Variants in NBEA observed in about 807,000 individuals in gnomAD.
NBEA encodes the protein lysosomal-trafficking regulator 2.
Under a neutral mutation model 343.4 loss-of-function variants are expected in NBEA, and 44 were observed. That is an observed-to-expected ratio of 0.13 (90% confidence interval 0.10 to 0.16). NBEA has a LOEUF of 0.16. Among genes scored for constraint, NBEA ranks in the 10% least tolerant of loss-of-function variants. The probability of loss-of-function intolerance (pLI) is 1.00; values close to 1 mark genes in which losing one functional copy is unlikely to be tolerated. For missense variants in NBEA, 2,555 were observed against 3,631.3 expected (o/e 0.70, Z 7.62); for synonymous variants, 1,175 against 1,238.7 (o/e 0.95, Z 1.08).
intron 1 of NBEA, among the ~76,000 whole-genome samples, chr13:34,976,180 C>T (rs757309921): frequency 2.0e-5 from 3 of 152,126 alleles, no homozygotes; most frequent in Non-Finnish European, 2.9e-5. Flanking sequence ...TCCCAAGTGC[C>T]CATCAACCAA....
intron 1 of NBEA, among the ~76,000 whole-genome samples, chr13:34,965,668 A>G (rs1025425468): frequency 6.6e-6 from 1 of 151,972 alleles, no homozygotes; most frequent in African/African-American, 2.4e-5. Flanking sequence ...ACTCACATCT[A>G]TCTCTCAACC....
At chr13:35,192,757 A>G (rs951752) in intron 30 of NBEA, among the ~76,000 whole-genome samples, 7,997 of 152,038 alleles carry the variant, frequency 0.053, 226 homozygotes, top group South Asian at 0.07. Context: ...GTTGGTGGCA[A>G]AAGTCTTTTG....
At chr13:35,136,752 A>G (rs1028903437) in intron 17 of NBEA, among the ~76,000 whole-genome samples, 1 of 152,212 alleles carries the variant, frequency 6.6e-6, no homozygotes, top group Non-Finnish European at 1.5e-5. Context: ...ATCCTGCCAG[A>G]TTGTTAAGTA....
intron 34 of NBEA, among the ~76,000 whole-genome samples, chr13:35,250,853 T>C (rs1042874133): frequency 2.0e-5 from 3 of 152,214 alleles, no homozygotes; most frequent in African/African-American, 7.2e-5. Flanking sequence ...CCATAAAAGC[T>C]TAACACATGG....
intron 48 of NBEA, among the ~76,000 whole-genome samples, chr13:35,617,484 A>G (rs1301793513): frequency 6.6e-6 from 1 of 152,176 alleles, no homozygotes; most frequent in African/African-American, 2.4e-5. Flanking sequence ...AGGGAAAGCT[A>G]CCTTGTGTGT....
intron 1 of NBEA, among the ~76,000 whole-genome samples, chr13:35,023,862 AG>A (rs1471469921): frequency 6.6e-6 from 1 of 152,044 alleles, no homozygotes; most frequent in Non-Finnish European, 1.5e-5. Context: ...GTGCATGCGC[AG>A]GTTTGTTACG....
Position 35,208,057 on chromosome 13 carries a change from T to C in NBEA, c.5367-643T>C, listed in dbSNP as rs193193564. 2.8e-4 allele frequency among the ~76,000 whole-genome samples: 42 copies of C among 152,088 alleles called. 1 individual carries two copies. In the Middle Eastern group the frequency reaches 0.01, roughly 37 times the overall value. On this transcript the variant is annotated intron_variant, in intron 31 of 58. Coordinates refer to ENST00000379939, the MANE Select transcript of NBEA (RefSeq NM_001385012.1). ...CAACATAGTGAAACCCCGTCTCTAC[T>C]AAAAATACAAAAATTACCTGAGTGT...
chr13:35,328,453 G>A (rs2038719167), intron 36 of NBEA, among the ~76,000 whole-genome samples: 1 of 151,838 alleles, frequency 6.6e-6, no homozygotes, highest in South Asian at 2.1e-4. Flanking sequence ...ACAACAGGGT[G>A]ACTATGGCCA....
intron 40 of NBEA, among the ~76,000 whole-genome samples, chr13:35,461,107 T>A (rs1016360135): frequency 1.3e-5 from 2 of 152,196 alleles, no homozygotes; most frequent in Non-Finnish European, 2.9e-5. Context: ...AGTCACCTCT[T>A]AAAGGCACCA....
rs137984719 is a variant in NBEA at position 35,252,081 on chromosome 13, A to G, written c.5776+19462A>G. On this transcript the variant is annotated intron_variant, in intron 34 of 58. Coordinates refer to ENST00000379939, the MANE Select transcript of NBEA (RefSeq NM_001385012.1). Reference sequence around the variant, plus strand: ...TTAGTCCATTTTCATACTGCTATAAAGAACTGCCCAAGACTGGGTAGTTCA... The same window carrying G: ...TTAGTCCATTTTCATACTGCTATAAGGAACTGCCCAAGACTGGGTAGTTCA... 3.0e-3 allele frequency among the ~76,000 whole-genome samples: 462 copies of G among 152,352 alleles called. 3 individuals are homozygous for G. The highest frequency in any genetic ancestry group is 6.7e-3 in the Admixed American group (102 of 15,306).
chr13:34,957,024 C>T (rs576895018), intron 1 of NBEA, among the ~76,000 whole-genome samples: 94 of 134,918 alleles, frequency 7.0e-4, no homozygotes, highest in African/African-American at 2.4e-3. Flanking sequence ...TATATATATA[C>T]ACACACACAC....
chr13:35,378,352 C>G (rs1473857598), intron 38 of NBEA, among the ~76,000 whole-genome samples: 3 of 152,132 alleles, frequency 2.0e-5, no homozygotes, highest in African/African-American at 7.2e-5. Context: ...GGAATGAACA[C>G]CTGTGGTCAA....
intron 38 of NBEA, among the ~76,000 whole-genome samples, chr13:35,378,722 A>G (rs1414459707): frequency 1.3e-5 from 2 of 151,848 alleles, no homozygotes; most frequent in Admixed American, 6.6e-5. Flanking sequence ...TGAATTTTCA[A>G]AAACTGAAGG....
intron 1 of NBEA, among the ~76,000 whole-genome samples, chr13:35,031,059 TA>T (rs1174943830): frequency 6.6e-6 from 1 of 151,668 alleles, no homozygotes; most frequent in African/African-American, 2.4e-5. Context: ...GAGATTCATC[TA>T]AAAAAATTCT....
intron 38 of NBEA, among the ~76,000 whole-genome samples, chr13:35,429,095 G>T (rs1240874814): frequency 1.3e-5 from 2 of 152,204 alleles, no homozygotes; most frequent in Non-Finnish European, 2.9e-5. Flanking sequence ...CACTTCCCCA[G>T]TGGGGAGGGG....
intron 13 of NBEA, among the ~76,000 whole-genome samples, chr13:35,113,667 G>A (rs1371590938): frequency 6.6e-6 from 1 of 151,856 alleles, no homozygotes; most frequent in Non-Finnish European, 1.5e-5. Context: ...ATGGACTCAT[G>A]TATTCAATGT....
chr13:35,329,144 A>G (rs1487825516), intron 36 of NBEA, among the ~76,000 whole-genome samples: 1 of 151,952 alleles, frequency 6.6e-6, no homozygotes, highest in Non-Finnish European at 1.5e-5. Context: ...CCACAATTAG[A>G]TAACATTACA....
intron 41 of NBEA, among the ~76,000 whole-genome samples, chr13:35,541,173 G>C (rs2153005425): frequency 6.6e-6 from 1 of 150,808 alleles, no homozygotes; most frequent in South Asian, 2.1e-4. Context: ...CACACAGTCT[G>C]TGTCCGTTGC....
At chr13:35,379,028 T>G (rs2041881128) in intron 38 of NBEA, among the ~76,000 whole-genome samples, 1 of 152,156 alleles carries the variant, frequency 6.6e-6, no homozygotes, top group African/African-American at 2.4e-5. Flanking sequence ...ATATATTTAT[T>G]GTACAGATTT....
Sources: allele counts gnomAD v4.1 joint callset (sites outside exome capture counted in the v4.1 genomes callset), GRCh38; gene constraint gnomAD v4.1.1; transcripts MANE v1.5; gene names NCBI Gene and HGNC (gene_info 2026-07-23, HGNC 2026-07-21).